OTOP2: variants seen among roughly 807,000 people sequenced by gnomAD.
OTOP2 encodes the protein proton channel OTOP2.
In OTOP2, 41 loss-of-function variants were observed where a neutral mutation model predicts 47.4. The ratio of observed to expected loss-of-function variants is 0.87; its 90% CI spans 0.67 to 1.12. The LOEUF (loss-of-function observed/expected upper bound fraction) is 1.12. OTOP2 is among the 50% of genes most tolerant of loss of function. The pLI, the probability that OTOP2 is intolerant of heterozygous loss-of-function variation, is 0.00. For missense variants in OTOP2, 721 were observed against 752.2 expected (o/e 0.96, Z 0.49); for synonymous variants, 328 against 319.6 (o/e 1.03, Z -0.28).
At chr17:74,927,414 T>C in intron 4 of OTOP2, 133 bp downstream of exon 4, 2 of 1,171,574 alleles carry the variant, frequency 1.7e-6, no homozygotes, top group South Asian at 2.5e-5. Context: ...CCCTCCTTGC[T>C]TTGTCAGGCT....
intron 5 of OTOP2, among the ~76,000 whole-genome samples, chr17:74,929,967 G>A (rs2039040283): frequency 1.3e-5 from 2 of 152,176 alleles, no homozygotes; most frequent in Non-Finnish European, 2.9e-5. Flanking sequence ...CAGATCACCT[G>A]AGGTCAGGAG....
Position 74,927,794 on chromosome 17 carries a change from T to C in OTOP2, c.639T>C (p.Ser213=). Residue 213 remains serine (S), a synonymous_variant, in exon 5 of 7, where the codon TCT becomes TCC. Transcript: ENST00000331427. ...ACGCCAGCCACGCCCGTCTCATCTC[T>C]GACCGTGAGTTTCCTCTTAATGCTG... The part of the protein sequence containing the change: ...HSNASHARLI[S]DQHADNPVGG... 6.2e-7 allele frequency: 1 copy of C among 1,613,848 alleles called. No individual in the cohort carries two copies. The highest frequency in any genetic ancestry group is 8.5e-7 in the Non-Finnish European group (1 of 1,179,854).
chr17:74,931,326 T>A (rs371187113), intron 6 of OTOP2, among the ~76,000 whole-genome samples, 173 bp downstream of exon 6: 1 of 152,180 alleles, frequency 6.6e-6, no homozygotes, highest in Admixed American at 6.5e-5. Flanking sequence ...TTGGGGCAAA[T>A]GGCATCTCAG....
Position 74,930,399 on chromosome 17 carries a change from C to T in OTOP2, c.764C>T (p.Ser255Phe). The stretch of plus-strand genomic sequence containing the variant: ...AACATCGAGTACAGCCTCTTCGCCT[C>T]CACCATGCTGTATGTCATGTGGAAG... ...PFNIEYSLFA[S>F]TMLYVMWKNV... The change falls in exon 6 of 7, where the codon TCC becomes TTC. Residue 255 changes from serine to phenylalanine, a missense_variant. By Grantham distance (155) the Ser-to-Phe change is radical. Transcript: ENST00000331427. The surrounding 1 kb of genome is among the most constrained non-coding windows in gnomAD (Gnocchi z 4.0). 1 of 1,614,190 alleles carries T rather than the reference C, an allele frequency of 6.2e-7. No homozygotes were observed. The highest frequency in any genetic ancestry group is 2.2e-5 in the East Asian group (1 of 44,884).
Position 74,933,576 on chromosome 17 carries a change from G to C in OTOP2, c.*31G>C, listed in dbSNP as rs745668156. The C allele has an allele frequency of 6.4e-7, 1 of 1,552,224 alleles. No homozygotes were observed. The highest frequency in any genetic ancestry group is 8.8e-7 in the Non-Finnish European group (1 of 1,137,548). ...CCAACAGAGGCATGGGGGGCAGGAA[G>C]AGGGGGCTCAGCTCATGTGCCCACT... On this transcript the variant is annotated 3_prime_UTR_variant, in exon 7 of 7. Coordinates refer to ENST00000331427, the MANE Select transcript of OTOP2 (RefSeq NM_178160.3). This position sits in a 1 kb window ranked among gnomAD's most constrained non-coding sequence, Gnocchi z 4.7.
Position 74,930,285 on chromosome 17 carries a change from C to T in OTOP2, c.650C>T (p.Ala217Val). 1.2e-6 allele frequency: 2 copies of T among 1,611,154 alleles called. No homozygotes were observed. The highest frequency in any genetic ancestry group is 1.7e-6 in the Non-Finnish European group (2 of 1,177,850). The change falls in exon 6 of 7, where the codon GCA becomes GTA. Residue 217 changes from alanine (A) to valine (V), a missense_variant. Physicochemically the swap from Ala to Val is moderately conservative, Grantham distance 64. Coordinates refer to ENST00000331427, the MANE Select transcript of OTOP2 (RefSeq NM_178160.3). The surrounding 1 kb of genome is among the most constrained non-coding windows in gnomAD (Gnocchi z 4.0). ...GTGTCTCTCTCCACAACAGAGCATG[C>T]AGACAACCCGGTCGGAGGAGACTCC... Reference protein sequence around the residue: ...SHARLISDQHADNPVGGDSCL... With the variant: ...SHARLISDQHVDNPVGGDSCL...
Position 74,927,213 on chromosome 17 carries a change from C to G in OTOP2, c.451-10C>G. ...GAGTAAATGACTCTCACCAATGTCT[C>G]TCCATACAGACCTACTTTCTCTGGG... On this transcript the variant is annotated splice_polypyrimidine_tract_variant and intron_variant, in intron 3 of 6. Coordinates refer to ENST00000331427, the MANE Select transcript of OTOP2 (RefSeq NM_178160.3). 1 of 1,608,764 alleles carries G rather than the reference C, an allele frequency of 6.2e-7. No homozygotes were observed. The highest frequency in any genetic ancestry group is 8.5e-7 in the Non-Finnish European group (1 of 1,175,098).
rs780161175 is a variant in OTOP2, at chr17:74,930,976, C to A, written c.1341C>A (p.Thr447=). The change falls in exon 6 of 7, where the codon ACC becomes ACA. Residue 447 remains threonine (T), a synonymous_variant. Transcript: ENST00000331427. The surrounding 1 kb of genome is among the most constrained non-coding windows in gnomAD (Gnocchi z 4.0). ...THPKEPCQDL[T]FTNLDALHTL... ...CCAAGGAGCCCTGCCAAGACCTCACCTTCACCAACCTGGATGCCCTCCACA... is the reference window on the plus strand; with the variant it reads ...CCAAGGAGCCCTGCCAAGACCTCACATTCACCAACCTGGATGCCCTCCACA... 1 of 1,614,186 alleles carries A rather than the reference C, an allele frequency of 6.2e-7. No homozygotes were observed. Among genetic ancestry groups the A allele is most frequent in the Admixed American group, 1.7e-5 (1 of 60,020 alleles).
At chr17:74,929,571 G>A (rs1567944931) in intron 5 of OTOP2, among the ~76,000 whole-genome samples, 1 of 152,124 alleles carries the variant, frequency 6.6e-6, no homozygotes, top group South Asian at 2.1e-4. Flanking sequence ...GACTACAGGT[G>A]CATGCCACCA....
Position 74,930,395 on chromosome 17 carries a change from G to A in OTOP2, c.760G>A (p.Ala254Thr), listed in dbSNP as rs145474317. 27 of 1,614,090 alleles carry A rather than the reference G, an allele frequency of 1.7e-5. No homozygotes were observed. In the African/African-American group the frequency reaches 2.5e-4, roughly 15 times the overall value. ...CTTCAACATCGAGTACAGCCTCTTC[G>A]CCTCCACCATGCTGTATGTCATGTG... The part of the protein sequence containing the change: ...YPFNIEYSLF[A>T]STMLYVMWKN... The change falls in exon 6 of 7, where the codon GCC becomes ACC. Residue 254 changes from alanine to threonine, a missense_variant. Coordinates refer to ENST00000331427, the MANE Select transcript of OTOP2 (RefSeq NM_178160.3). The surrounding 1 kb of genome is among the most constrained non-coding windows in gnomAD (Gnocchi z 4.0).
intron 6 of OTOP2, among the ~76,000 whole-genome samples, chr17:74,931,363 C>T (rs1186945436): frequency 3.9e-5 from 6 of 152,154 alleles, no homozygotes; most frequent in African/African-American, 1.2e-4. Flanking sequence ...GAAATCCTAG[C>T]GTTCTGGCAT....
intron 5 of OTOP2, 190 bp downstream of exon 5, chr17:74,927,988 G>T: frequency 2.6e-6 from 2 of 762,288 alleles, no homozygotes; most frequent in Non-Finnish European, 4.0e-6. Context: ...AAGTATCAGG[G>T]GTACCCTTTT....
At position 74,924,976 on chromosome 17, in the gene OTOP2, G is replaced by A; in HGVS notation, c.313+31G>A. On this transcript the variant is annotated intron_variant, in intron 2 of 6. Transcript: ENST00000331427. This position sits in a 1 kb window ranked among gnomAD's most constrained non-coding sequence, Gnocchi z 7.7. ...AGGGGAGGTGGGGGCGAGGTAGGGTGGGCACAACAGGGAGCTGCAGGCTAG... is the reference window on the plus strand; with the variant it reads ...AGGGGAGGTGGGGGCGAGGTAGGGTAGGCACAACAGGGAGCTGCAGGCTAG... 2 of 1,522,476 alleles carry A rather than the reference G, an allele frequency of 1.3e-6. 1 individual carries two copies. The highest frequency in any genetic ancestry group is 1.8e-6 in the Non-Finnish European group (2 of 1,132,760). 94.3% of individuals were successfully genotyped at this position (1,522,476 alleles called of 1,614,324 possible). A position where few individuals can be genotyped will look rare whatever the true frequency, so the allele number is the denominator to read the frequency against.
At position 74,933,235 on chromosome 17, in the gene OTOP2, C is replaced by T. The variant is rs2039074829; in HGVS notation, c.1519-140C>T. On this transcript the variant is annotated intron_variant, in intron 6 of 6. Transcript: ENST00000331427. This position sits in a 1 kb window ranked among gnomAD's most constrained non-coding sequence, Gnocchi z 4.7. The stretch of plus-strand genomic sequence containing the variant: ...TCCTGTCCAAAATGCTAGAGCTGCC[C>T]ATTCACTGACACCCAGCCCTCCGTG... 4 of 1,006,068 alleles carry T rather than the reference C, an allele frequency of 4.0e-6. No individual in the cohort carries two copies. The highest frequency in any genetic ancestry group is 1.6e-5 in the South Asian group (1 of 62,066). 62.3% of individuals were successfully genotyped at this position (1,006,068 alleles called of 1,614,324 possible).
intron 3 of OTOP2, among the ~76,000 whole-genome samples, chr17:74,926,687 A>G (rs1302568010): frequency 6.6e-6 from 1 of 151,992 alleles, no homozygotes; most frequent in Non-Finnish European, 1.5e-5. Flanking sequence ...GAGAACCACT[A>G]TTTTATACAA....
In OTOP2 at chr17:74,933,485, C is replaced by A. The variant is rs553545067; in HGVS notation, c.1629C>A (p.Phe543Leu). 5 of 1,614,132 alleles carry A rather than the reference C, an allele frequency of 3.1e-6. No homozygotes were observed. The Admixed American group carries it at 8.3e-5, about 27-fold the overall frequency. The change falls in exon 7 of 7, where the codon TTC (phenylalanine) becomes TTA (leucine). Residue 543 changes from phenylalanine to leucine, a missense_variant. Physicochemically the swap from Phe to Leu is conservative, Grantham distance 22. Coordinates refer to ENST00000331427, the MANE Select transcript of OTOP2 (RefSeq NM_178160.3). The surrounding 1 kb of genome is among the most constrained non-coding windows in gnomAD (Gnocchi z 4.7). ...TCATCGTCAACATCTGCCTCCCTTT[C>A]GGCATCTTCTACCGCATGCACGCTG... ...WAVIVNICLPFGIFYRMHAVS... is the reference protein window; with the variant it reads ...WAVIVNICLPLGIFYRMHAVS...
intron 3 of OTOP2, among the ~76,000 whole-genome samples, 171 bp downstream of exon 3, chr17:74,925,863 G>A (rs576647131): frequency 1.4e-4 from 22 of 152,306 alleles, no homozygotes; most frequent in Admixed American, 1.1e-3. Context: ...ATGTGGAAAC[G>A]CCTCATAATG....
rs1681993622 is a variant in OTOP2 at position 74,924,790 on chromosome 17, A to G, written c.158A>G (p.Asn53Ser). 3 of 1,611,838 alleles carry G rather than the reference A, an allele frequency of 1.9e-6. No homozygotes were observed. Among genetic ancestry groups the G allele is most frequent in the African/African-American group, 1.3e-5 (1 of 75,046 alleles). The change falls in exon 2 of 7, where the codon AAC becomes AGC. Residue 53 changes from asparagine to serine, a missense_variant. Asn to Ser is a conservative substitution (Grantham distance 46). Transcript: ENST00000331427. The surrounding 1 kb of genome is among the most constrained non-coding windows in gnomAD (Gnocchi z 7.7). The stretch of plus-strand genomic sequence containing the variant: ...ACGCTCATCAGCGGCGGAGCCTTCA[A>G]CAAGGTGGCCGTGTACGACACCGAC... ...ACTLISGGAF[N>S]KVAVYDTDVF...
Position 74,927,300 on chromosome 17 carries a change from T to A in OTOP2, c.509+19T>A. 6.2e-7 allele frequency: 1 copy of A among 1,606,722 alleles called. No individual in the cohort carries two copies. The highest frequency in any genetic ancestry group is 1.1e-5 in the South Asian group (1 of 90,904). On this transcript the variant is annotated intron_variant, in intron 4 of 6. Transcript: ENST00000331427. ...TGACCTGGTGAGAACTGCAGCTCGATGCCTGTACCCAGCGTGCTGGTGTTC... is the reference window on the plus strand; with the variant it reads ...TGACCTGGTGAGAACTGCAGCTCGAAGCCTGTACCCAGCGTGCTGGTGTTC...
Sources: gnomAD v4.1 joint callset for allele counts (sites outside exome capture counted in the v4.1 genomes callset) on GRCh38, gnomAD v4.1.1 for gene constraint, Gnocchi (gnomAD v3.1) non-coding constraint, MANE v1.5 for transcripts, NCBI Gene and HGNC (gene_info 2026-07-23, HGNC 2026-07-21) for gene names.